The following MEOX2 variants were observed in gnomAD, a reference collection of about 807,000 sequenced individuals.
MEOX2 encodes mesenchyme homeobox 2, also known as homeobox protein MOX-2.
A neutral mutation model predicts 27.0 loss-of-function variants in MEOX2; 11 were observed. The ratio of observed to expected loss-of-function variants is 0.41; its 90% CI spans 0.26 to 0.68. The LOEUF (loss-of-function observed/expected upper bound fraction) is 0.68. MEOX2 is among the 30% of genes least tolerant of loss of function. MEOX2 has a pLI of 0.33. For missense variants in MEOX2, 436 were observed against 385.4 expected (o/e 1.13, Z -1.10); for synonymous variants, 189 against 155.4 (o/e 1.22, Z -1.61).
chr7:15,653,875 G>C (rs1358205255), intron 1 of MEOX2, among the ~76,000 whole-genome samples: 1 of 151,856 alleles, frequency 6.6e-6, no homozygotes, highest in Non-Finnish European at 1.5e-5. Flanking sequence ...CATTCTCCCT[G>C]TTCAAAATCG....
chr7:15,660,482 A>G (rs2115383218), intron 1 of MEOX2, among the ~76,000 whole-genome samples: 1 of 152,188 alleles, frequency 6.6e-6, no homozygotes, highest in South Asian at 2.1e-4. Context: ...GTAATTCCTG[A>G]TGGTGGCGCA....
intron 1 of MEOX2, among the ~76,000 whole-genome samples, chr7:15,676,617 T>G (rs1437017364): frequency 6.6e-6 from 1 of 152,102 alleles, no homozygotes; most frequent in Non-Finnish European, 1.5e-5. Context: ...ACACCTGTAA[T>G]CCCAGCACTT....
chr7:15,659,196 A>C (rs1333431666), intron 1 of MEOX2, among the ~76,000 whole-genome samples: 1 of 152,122 alleles, frequency 6.6e-6, no homozygotes, highest in Non-Finnish European at 1.5e-5. Context: ...TTTTGTAGAG[A>C]TGAAGCAGAA....
At chr7:15,648,408 G>A (rs1781682827) in intron 1 of MEOX2, among the ~76,000 whole-genome samples, 1 of 152,038 alleles carries the variant, frequency 6.6e-6, no homozygotes, top group Non-Finnish European at 1.5e-5. Context: ...TAAAAAGAAA[G>A]CGTAAATTAC....
At chr7:15,615,680 A>T (rs565185261) in intron 2 of MEOX2, among the ~76,000 whole-genome samples, 1 of 152,064 alleles carries the variant, frequency 6.6e-6, no homozygotes, top group East Asian at 1.9e-4. Flanking sequence ...AGAAAATTTT[A>T]CTTCTCTCTA....
chr7:15,641,898 T>C (rs1781567176), intron 1 of MEOX2, among the ~76,000 whole-genome samples: 1 of 152,156 alleles, frequency 6.6e-6, no homozygotes, highest in Admixed American at 6.6e-5. Context: ...GGATACAAAA[T>C]TTTTTGTTGC....
intron 1 of MEOX2, among the ~76,000 whole-genome samples, chr7:15,651,256 T>C (rs1314410261): frequency 6.6e-6 from 1 of 152,014 alleles, no homozygotes; most frequent in African/African-American, 2.4e-5. Context: ...ATATCCACGC[T>C]CCTTGGATAT....
intron 1 of MEOX2, among the ~76,000 whole-genome samples, chr7:15,670,239 T>C (rs1583786038): frequency 6.6e-6 from 1 of 152,362 alleles, no homozygotes; most frequent in Middle Eastern, 3.4e-3. Flanking sequence ...AGGATGCACT[T>C]TGTCCTCTTC....
intron 1 of MEOX2, among the ~76,000 whole-genome samples, chr7:15,672,718 C>G (rs576386722): frequency 3.9e-5 from 6 of 151,950 alleles, no homozygotes; most frequent in African/African-American, 1.4e-4. Flanking sequence ...TGGTGAAACC[C>G]CATCTCTACT....
chr7:15,673,047 A>G lies in MEOX2; in HGVS notation c.517+12839T>C, dbSNP rs192458908. Among the ~76,000 whole-genome samples the G allele has an allele frequency of 5.3e-5, 8 of 152,354 alleles. No individual in the cohort carries two copies. In the East Asian group the frequency reaches 1.5e-3, roughly 29 times the overall value. On this transcript the variant is annotated intron_variant, in intron 1 of 2. Transcript: ENST00000262041. ...GCCCTATTCTAAAAGCCTGGAACCA[A>G]GACCTTCAAAACACCCCTAACAAGG...
intron 2 of MEOX2, among the ~76,000 whole-genome samples, chr7:15,620,743 A>G (rs1781209577): frequency 6.6e-6 from 1 of 152,312 alleles, no homozygotes; most frequent in African/African-American, 2.4e-5. Context: ...AATCCCTCTC[A>G]TTTCCACCAA....
intron 1 of MEOX2, among the ~76,000 whole-genome samples, chr7:15,639,345 T>C (rs569214140): frequency 3.9e-5 from 6 of 152,194 alleles, no homozygotes; most frequent in African/African-American, 1.4e-4. Flanking sequence ...TTCTTGTGGA[T>C]TTGTTTAAGT....
chr7:15,667,477 G>A (rs1217867780), intron 1 of MEOX2, among the ~76,000 whole-genome samples: 2 of 151,796 alleles, frequency 1.3e-5, no homozygotes, highest in East Asian at 3.9e-4. Flanking sequence ...TACTGCGGAC[G>A]CTTCCAGAAA....
Position 15,626,809 on chromosome 7 carries a change from A to T in MEOX2, c.627T>A (p.His209Gln). The stretch of plus-strand genomic sequence containing the variant: ...ATCGCCTCAGTCTGGTGAGATAATT[A>T]TGATGGGCAAATTCTGCTTCAAGTT... ...IRELEAEFAH[H>Q]NYLTRLRRYE... Residue 209 changes from histidine (H) to glutamine (Q), a missense_variant, in exon 2 of 3, where the codon CAT (histidine) becomes CAA (glutamine). Coordinates refer to ENST00000262041, the MANE Select transcript of MEOX2 (RefSeq NM_005924.5). 6.2e-6 allele frequency: 10 copies of T among 1,610,808 alleles called. No homozygotes were observed. The highest frequency in any genetic ancestry group is 2.2e-5 in the East Asian group (1 of 44,770).
chr7:15,640,113 G>A (rs1301160503), intron 1 of MEOX2, among the ~76,000 whole-genome samples: 2 of 152,008 alleles, frequency 1.3e-5, no homozygotes, highest in African/African-American at 4.8e-5. Context: ...TCCTATCCAT[G>A]GGATGTTTTT....
chr7:15,654,673 G>C (rs1781791262), intron 1 of MEOX2, among the ~76,000 whole-genome samples: 1 of 151,636 alleles, frequency 6.6e-6, no homozygotes, highest in Non-Finnish European at 1.5e-5. Flanking sequence ...GAATATTTTT[G>C]CTTTTAATAT....
chr7:15,669,457 C>G (rs373548613), intron 1 of MEOX2, among the ~76,000 whole-genome samples: 4 of 152,250 alleles, frequency 2.6e-5, no homozygotes, highest in South Asian at 2.1e-4. Context: ...CCAGTAATAT[C>G]TTTGCCTAAT....
At chr7:15,670,751 C>A (rs529191090) in intron 1 of MEOX2, among the ~76,000 whole-genome samples, 3 of 152,160 alleles carry the variant, frequency 2.0e-5, no homozygotes, top group Admixed American at 2.0e-4. Flanking sequence ...ATGGTCATTT[C>A]TAGCACATCT....
At chr7:15,616,175 C>T (rs913694305) in intron 2 of MEOX2, among the ~76,000 whole-genome samples, 1 of 151,602 alleles carries the variant, frequency 6.6e-6, no homozygotes, top group Admixed American at 6.6e-5. Context: ...TATAGAATAA[C>T]TCTAATACCT....
Sources: gnomAD v4.1 joint callset for allele counts (sites outside exome capture counted in the v4.1 genomes callset) on GRCh38, gnomAD v4.1.1 for gene constraint, MANE v1.5 for transcripts, NCBI Gene and HGNC (gene_info 2026-07-23, HGNC 2026-07-21) for gene names.